The following SORCS2 variants were observed in gnomAD, a reference collection of about 807,000 sequenced individuals.
SORCS2 encodes sortilin related VPS10 domain containing receptor 2.
SORCS2 carries 100 observed loss-of-function variants against 141.6 expected under a neutral mutation model. The observed-to-expected ratio is 0.71, with a 90% CI of 0.60 to 0.83. The LOEUF is 0.83. Ranked by LOEUF, SORCS2 falls within the 40% of genes least tolerant of loss-of-function variation. The probability of loss-of-function intolerance (pLI) is 0.00; values close to 1 mark genes in which losing one functional copy is unlikely to be tolerated. For synonymous variants in SORCS2, 789 were observed against 676.9 expected (o/e 1.17, Z -2.57); for missense variants, 1,646 against 1,560.2 (o/e 1.05, Z -0.93).
At chr4:7,262,236 A>T (rs1244022743) in intron 1 of SORCS2, among the ~76,000 whole-genome samples, 1 of 134,632 alleles carries the variant, frequency 7.4e-6, no homozygotes, top group African/African-American at 2.7e-5. Context: ...CAACACATCC[A>T]TCGATTCATC....
chr4:7,403,758 TTA>T (rs1196480533), intron 2 of SORCS2, among the ~76,000 whole-genome samples: 1 of 150,524 alleles, frequency 6.6e-6, no homozygotes, highest in Non-Finnish European at 1.5e-5. Context: ...TTATTATGAT[TTA>T]TATATATATA....
chr4:7,342,578 G>A (rs927923323), intron 1 of SORCS2, among the ~76,000 whole-genome samples: 2 of 152,124 alleles, frequency 1.3e-5, no homozygotes, highest in South Asian at 4.2e-4. Flanking sequence ...GGCGTGAAAG[G>A]GAGGTGGAGG....
At chr4:7,320,398 T>C (rs1486266266) in intron 1 of SORCS2, among the ~76,000 whole-genome samples, 1 of 152,200 alleles carries the variant, frequency 6.6e-6, no homozygotes, top group African/African-American at 2.4e-5. Context: ...GAGAAGGCAT[T>C]GTACTGATGT....
At chr4:7,620,949 C>G (rs764748981) in intron 3 of SORCS2, among the ~76,000 whole-genome samples, 4 of 152,166 alleles carry the variant, frequency 2.6e-5, no homozygotes, top group Non-Finnish European at 5.9e-5. Flanking sequence ...AAGTGCCCTT[C>G]TCCTGCTGCG....
At chr4:7,278,768 C>T (rs1715677718) in intron 1 of SORCS2, among the ~76,000 whole-genome samples, 1 of 152,182 alleles carries the variant, frequency 6.6e-6, no homozygotes, top group African/African-American at 2.4e-5. Context: ...ACCCAATGCT[C>T]CCTGTTTTCA....
At chr4:7,214,153 G>C (rs1728197464) in intron 1 of SORCS2, among the ~76,000 whole-genome samples, 1 of 152,138 alleles carries the variant, frequency 6.6e-6, no homozygotes, top group South Asian at 2.1e-4. Flanking sequence ...ACAGCTGGTG[G>C]GTGGGGAGGC....
chr4:7,214,927 C>T (rs1728236458), intron 1 of SORCS2, among the ~76,000 whole-genome samples: 1 of 151,858 alleles, frequency 6.6e-6, no homozygotes, highest in African/African-American at 2.4e-5. Context: ...TTGCTTTATT[C>T]CAGGGTAATC....
At chr4:7,717,936 G>A (rs908387674) in intron 17 of SORCS2, 76 bp from the exon 18 acceptor site, 79 of 1,430,572 alleles carry the variant, frequency 5.5e-5, no homozygotes, top group Non-Finnish European at 7.1e-5. Context: ...TGGCAAGCAC[G>A]TCCCTCCCCA....
At chr4:7,434,125 C>T (rs201944936) in intron 2 of SORCS2, 9 of 1,612,816 alleles carry the variant, frequency 5.6e-6, no homozygotes, top group East Asian at 2.2e-5. Flanking sequence ...CTCACAGAAT[C>T]CCCCCTTCCT....
In SORCS2 at chr4:7,740,559, C is replaced by T; in HGVS notation, c.*295C>T. ...CACGGCCGCCCCACGTGCTGTCGCTCAGCCCGAGGCCTGACTTCTCTGGGC... is the reference window on the plus strand; with the variant it reads ...CACGGCCGCCCCACGTGCTGTCGCTTAGCCCGAGGCCTGACTTCTCTGGGC... On this transcript the variant is annotated 3_prime_UTR_variant, in exon 27 of 27. Transcript: ENST00000507866. 1 of 471,858 alleles carries T rather than the reference C, an allele frequency of 2.1e-6. No homozygotes were observed. The allele number at this position is 471,858 out of a possible 1,614,324, so 29.2% of individuals were successfully genotyped here.
chr4:7,615,062 C>T (rs1360607560), intron 3 of SORCS2, among the ~76,000 whole-genome samples: 2 of 152,328 alleles, frequency 1.3e-5, no homozygotes, highest in East Asian at 3.9e-4. Context: ...TTCACCCATC[C>T]ACCATCTCTC....
chr4:7,446,714 G>T (rs1460520954), intron 2 of SORCS2, among the ~76,000 whole-genome samples: 8 of 152,166 alleles, frequency 5.3e-5, no homozygotes, highest in Non-Finnish European at 1.0e-4. Flanking sequence ...ATACAAGGGG[G>T]TGCACCCTAG....
At chr4:7,534,192 T>C (rs955458246) in intron 3 of SORCS2, among the ~76,000 whole-genome samples, 2 of 152,226 alleles carry the variant, frequency 1.3e-5, no homozygotes, top group African/African-American at 4.8e-5. Flanking sequence ...TGAATGAGTG[T>C]CACAAACAGT....
chr4:7,297,423 C>T (rs1488388785), intron 1 of SORCS2, among the ~76,000 whole-genome samples: 4 of 152,042 alleles, frequency 2.6e-5, no homozygotes, highest in Non-Finnish European at 5.9e-5. Flanking sequence ...TCCCCCACCC[C>T]CACCCCAGGG....
At chr4:7,544,104 C>A (rs1256341910) in intron 3 of SORCS2, among the ~76,000 whole-genome samples, 1 of 151,724 alleles carries the variant, frequency 6.6e-6, no homozygotes, top group Non-Finnish European at 1.5e-5. Flanking sequence ...ATGCATGCAT[C>A]CACCCATCCA....
At chr4:7,314,721 T>C (rs942805190) in intron 1 of SORCS2, among the ~76,000 whole-genome samples, 2 of 151,754 alleles carry the variant, frequency 1.3e-5, no homozygotes, top group African/African-American at 2.4e-5. Context: ...GGACCAGGTC[T>C]TGTCACTTGG....
chr4:7,681,208 G>T (rs1158158982), intron 9 of SORCS2, among the ~76,000 whole-genome samples: 2 of 152,172 alleles, frequency 1.3e-5, no homozygotes, highest in African/African-American at 4.8e-5. Context: ...CACATCCCGA[G>T]CCCCAGAACC....
intron 2 of SORCS2, among the ~76,000 whole-genome samples, chr4:7,458,036 A>G (rs988099541): frequency 5.9e-5 from 9 of 152,172 alleles, no homozygotes; most frequent in African/African-American, 2.2e-4. Flanking sequence ...CCAAAACAAA[A>G]CTGCCCATTG....
chr4:7,345,415 G>A (rs1720598795), intron 1 of SORCS2, among the ~76,000 whole-genome samples: 1 of 152,168 alleles, frequency 6.6e-6, no homozygotes, highest in Non-Finnish European at 1.5e-5. Flanking sequence ...CTTTACAAAT[G>A]GTTCCATCAG....
Sources: gnomAD v4.1 joint callset for allele counts (sites outside exome capture counted in the v4.1 genomes callset) on GRCh38, gnomAD v4.1.1 for gene constraint, MANE v1.5 for transcripts, NCBI Gene and HGNC (gene_info 2026-07-23, HGNC 2026-07-21) for gene names.